The following CAMK1D variants were observed in gnomAD, a reference collection of about 807,000 sequenced individuals.
The protein encoded by CAMK1D is calcium/calmodulin dependent protein kinase ID, also known as calcium/calmodulin-dependent protein kinase type 1D.
A neutral mutation model predicts 47.7 loss-of-function variants in CAMK1D; 9 were observed. The ratio of observed to expected loss-of-function variants is 0.19; its 90% CI spans 0.11 to 0.33. CAMK1D has a LOEUF of 0.33. Among genes scored for constraint, CAMK1D ranks in the 10% least tolerant of loss-of-function variants. The pLI is 1.00. For missense variants in CAMK1D, 291 were observed against 488.7 expected, an observed-to-expected ratio of 0.60 and a Z score of 3.81; for synonymous variants, 184 against 184.9, an observed-to-expected ratio of 0.99 and a Z score of 0.04.
At chr10:12,754,741 A>T (rs1230236291) in intron 3 of CAMK1D, among the ~76,000 whole-genome samples, 1 of 152,194 alleles carries the variant, frequency 6.6e-6, no homozygotes, top group African/African-American at 2.4e-5. Context: ...CTTCTTGCTG[A>T]GTCCTTACAT....
intron 4 of CAMK1D, among the ~76,000 whole-genome samples, chr10:12,763,957 C>T (rs1359670713): frequency 6.6e-6 from 1 of 152,202 alleles, no homozygotes; most frequent in African/African-American, 2.4e-5. Context: ...GCCCCCACCC[C>T]CACAGCCCTC....
chr10:12,652,320 G>A (rs563241149), intron 2 of CAMK1D, among the ~76,000 whole-genome samples: 3 of 150,760 alleles, frequency 2.0e-5, no homozygotes, highest in South Asian at 4.2e-4. Flanking sequence ...TGTGGCTCAC[G>A]CCTGTAATCC....
rs1191807899 is a variant in CAMK1D, at chr10:12,831,590, G to T, written c.*2703G>T. The T allele has an allele frequency of 2.6e-5, 4 of 152,196 alleles. No homozygotes were observed. The highest frequency in any genetic ancestry group is 6.5e-5 in the Admixed American group (1 of 15,284). The allele number at this position is 152,196 out of a possible 1,614,324, so 9.4% of individuals were successfully genotyped here. A position where few individuals can be genotyped will look rare whatever the true frequency, so the allele number is the denominator to read the frequency against. On this transcript the variant is annotated 3_prime_UTR_variant, in exon 11 of 11. Transcript: ENST00000619168. ...CAGAACCTCTGAAAGGTGAGCCGTG[G>T]TGCAGGTGCCCCCCTCGCTGTTCGG... is the stretch of plus-strand genomic sequence containing the variant.
intron 1 of CAMK1D, among the ~76,000 whole-genome samples, chr10:12,533,957 T>A (rs1292500967): frequency 2.0e-5 from 3 of 152,182 alleles, no homozygotes. Flanking sequence ...GGACGTCTCC[T>A]GGGCAAGGGA....
At chr10:12,637,468 C>G (rs1277367771) in intron 2 of CAMK1D, among the ~76,000 whole-genome samples, 4 of 152,100 alleles carry the variant, frequency 2.6e-5, no homozygotes, top group Admixed American at 2.0e-4. Context: ...TTAATGCAAA[C>G]GCATGGACGT....
chr10:12,821,108 A>T (rs1832996635), intron 8 of CAMK1D, among the ~76,000 whole-genome samples: 1 of 152,134 alleles, frequency 6.6e-6, no homozygotes, highest in Non-Finnish European at 1.5e-5. Context: ...CAGGCTGGAG[A>T]CCCAGGGAAG....
intron 3 of CAMK1D, among the ~76,000 whole-genome samples, chr10:12,725,875 G>C (rs918247156): frequency 8.6e-5 from 13 of 151,968 alleles, no homozygotes; most frequent in Admixed American, 8.5e-4. Context: ...TCTTGCCTCA[G>C]CCTCCCAAGT....
chr10:12,796,876 C>T (rs995942449), intron 6 of CAMK1D, among the ~76,000 whole-genome samples: 1 of 152,088 alleles, frequency 6.6e-6, no homozygotes, highest in Non-Finnish European at 1.5e-5. Context: ...AATTGATTCA[C>T]AGTAACTAGA....
chr10:12,769,976 A>G (rs1836965591), intron 5 of CAMK1D, among the ~76,000 whole-genome samples, 177 bp downstream of exon 5: 1 of 152,254 alleles, frequency 6.6e-6, no homozygotes, highest in African/African-American at 2.4e-5. Flanking sequence ...GGAATGAATA[A>G]TTCATAGCAG....
intron 1 of CAMK1D, among the ~76,000 whole-genome samples, chr10:12,380,728 T>C (rs1203333907): frequency 6.6e-6 from 1 of 152,118 alleles, no homozygotes; most frequent in Non-Finnish European, 1.5e-5. Flanking sequence ...TGGGGTCACG[T>C]GCCTGTAGTC....
chr10:12,611,926 G>A (rs937951123), intron 2 of CAMK1D, among the ~76,000 whole-genome samples: 1 of 152,020 alleles, frequency 6.6e-6, no homozygotes, highest in Non-Finnish European at 1.5e-5. Context: ...TTTGCCCCAG[G>A]TTATCCTGCT....
At chr10:12,664,084 C>T (rs146103004) in intron 2 of CAMK1D, among the ~76,000 whole-genome samples, 1 of 152,170 alleles carries the variant, frequency 6.6e-6, no homozygotes, top group African/African-American at 2.4e-5. Context: ...GAGACCTTCT[C>T]CATAATTCTG....
In CAMK1D at chr10:12,546,668, G is replaced by A. The variant is rs908066342; in HGVS notation, c.93-6557G>A. Among the ~76,000 whole-genome samples the A allele has an allele frequency of 4.6e-5, 7 of 152,100 alleles. 1 individual carries two copies. Among genetic ancestry groups the A allele is most frequent in the Admixed American group, 4.6e-4 (7 of 15,278 alleles). The stretch of plus-strand genomic sequence containing the variant: ...AGTTCATGTCCTTTGTAGGGACATG[G>A]ATGAAGCTGGAAACCATCATTCTCA... On this transcript the variant is annotated intron_variant, in intron 1 of 10. Transcript: ENST00000619168.
chr10:12,668,614 G>A (rs917507137), intron 3 of CAMK1D, among the ~76,000 whole-genome samples: 2 of 152,102 alleles, frequency 1.3e-5, no homozygotes, highest in Admixed American at 6.5e-5. Context: ...ACAATATTAG[G>A]TCTTCAGTAC....
At chr10:12,690,750 C>T (rs375811207) in intron 3 of CAMK1D, among the ~76,000 whole-genome samples, 8 of 151,954 alleles carry the variant, frequency 5.3e-5, no homozygotes, top group Admixed American at 3.9e-4. Flanking sequence ...CTGCGTGGTG[C>T]GGGGGTGAGG....
chr10:12,358,989 A>G (rs1163370628), intron 1 of CAMK1D, among the ~76,000 whole-genome samples: 3 of 152,270 alleles, frequency 2.0e-5, no homozygotes, highest in South Asian at 2.1e-4. Context: ...CCCAAAATTT[A>G]TGGTTTCAGC....
chr10:12,546,899 G>A (rs1202895589), intron 1 of CAMK1D, among the ~76,000 whole-genome samples: 1 of 152,000 alleles, frequency 6.6e-6, no homozygotes, highest in African/African-American at 2.4e-5. Flanking sequence ...CATGGCACAT[G>A]TATAGATATG....
chr10:12,717,891 CAAAAAAAAAAA>C (rs1181845465), intron 3 of CAMK1D, among the ~76,000 whole-genome samples: 2 of 52,908 alleles, frequency 3.8e-5, no homozygotes, highest in Non-Finnish European at 7.9e-5. Context: ...GAGACCCTGT[CAAAAAAAAAAA>C]AAAAAGAAAA....
At chr10:12,537,470 A>T (rs1286960558) in intron 1 of CAMK1D, among the ~76,000 whole-genome samples, 2 of 152,102 alleles carry the variant, frequency 1.3e-5, no homozygotes, top group Non-Finnish European at 2.9e-5. Flanking sequence ...ATACTTAGCA[A>T]CTCTCCCACA....
Sources: gnomAD v4.1 joint callset for allele counts (sites outside exome capture counted in the v4.1 genomes callset) on GRCh38, gnomAD v4.1.1 for gene constraint, MANE v1.5 for transcripts, NCBI Gene and HGNC (gene_info 2026-07-23, HGNC 2026-07-21) for gene names.